Variants in TMEM38B observed in about 807,000 individuals in gnomAD.
TMEM38B encodes the protein transmembrane protein 38B, also known as trimeric intracellular cation channel type B.
In TMEM38B, 24 loss-of-function variants were observed where a neutral mutation model predicts 28.7. The ratio of observed to expected loss-of-function variants is 0.84; its 90% confidence interval spans 0.61 to 1.18. The LOEUF is 1.18. Ranked by LOEUF, TMEM38B falls within the 50% of genes most tolerant of loss-of-function variation. The probability of loss-of-function intolerance (pLI) is 0.00; values close to 1 mark genes in which losing one functional copy is unlikely to be tolerated. For missense variants in TMEM38B, 380 were observed against 350.9 expected (o/e 1.08, Z -0.66); for synonymous variants, 131 against 127.7 (o/e 1.03, Z -0.17).
chr9:105,758,185 C>G (rs2133634813), intron 5 of TMEM38B: 2 of 647,214 alleles, frequency 3.1e-6, no homozygotes, highest in South Asian at 3.5e-5. Flanking sequence ...GGGTGTGCCT[C>G]CCAGGCCTTA....
chr9:105,730,428 T>A (rs2133590068), intron 4 of TMEM38B, among the ~76,000 whole-genome samples: 1 of 152,294 alleles, frequency 6.6e-6, no homozygotes, highest in East Asian at 1.9e-4. Flanking sequence ...GCCAACTTGA[T>A]CGTGGTGGAT....
chr9:105,740,061 T>G (rs1419795278), intron 4 of TMEM38B, among the ~76,000 whole-genome samples: 5 of 150,998 alleles, frequency 3.3e-5, no homozygotes, highest in Non-Finnish European at 5.9e-5. Flanking sequence ...TTCTGTATTT[T>G]TAGTAGAGAC....
chr9:105,715,357 C>T (rs1836057476), intron 2 of TMEM38B, among the ~76,000 whole-genome samples: 1 of 151,394 alleles, frequency 6.6e-6, no homozygotes, highest in South Asian at 2.1e-4. Flanking sequence ...TTTATTTTTT[C>T]ATTAAGGTCC....
In TMEM38B at chr9:105,724,095, C is replaced by T. The variant is rs142575226; in HGVS notation, c.542+1474C>T. Among the ~76,000 whole-genome samples the T allele has an allele frequency of 1.9e-3, 282 of 152,038 alleles. 1 individual carries two copies. The highest frequency in any genetic ancestry group is 6.7e-3 in the African/African-American group (277 of 41,492). ...AGGTGATCCACCCACCTTGGCCTCC[C>T]AAAGTGCTGGGATTACAGGCTTGAG... On this transcript the variant is annotated intron_variant, in intron 4 of 5. Coordinates refer to ENST00000374692, the MANE Select transcript of TMEM38B (RefSeq NM_018112.3).
At chr9:105,767,009 C>G (rs866656674) in intron 5 of TMEM38B, among the ~76,000 whole-genome samples, 1 of 151,020 alleles carries the variant, frequency 6.6e-6, no homozygotes, top group Non-Finnish European at 1.5e-5. Flanking sequence ...TCTGTCCTTG[C>G]GATCGTTTGC....
intron 4 of TMEM38B, among the ~76,000 whole-genome samples, chr9:105,724,252 G>A (rs10816302): frequency 0.23 from 35,494 of 152,130 alleles, 6,801 homozygotes; most frequent in African/African-American, 0.51. Flanking sequence ...AATGGTGGCT[G>A]TAATAAGCAA....
In TMEM38B at chr9:105,748,186, C is replaced by T. The variant is rs1323273333; in HGVS notation, c.656C>T (p.Thr219Ile). 3 of 1,603,062 alleles carry T rather than the reference C, an allele frequency of 1.9e-6. No homozygotes were observed. The highest frequency in any genetic ancestry group is 1.7e-6 in the Non-Finnish European group (2 of 1,170,736). Reference sequence around the variant, plus strand: ...CTTTATACCATCTTTATTGTGGCCACAAAGGTAAGAATTCAAAGTACCTAT... The same window carrying T: ...CTTTATACCATCTTTATTGTGGCCATAAAGGTAAGAATTCAAAGTACCTAT... ...MFLYTIFIVA[T>I]KITMMTTQTS... is the part of the protein sequence containing the mutation. Residue 219 changes from threonine to isoleucine, a missense_variant, in exon 5 of 6, where the codon ACA (threonine) becomes ATA (isoleucine). Transcript: ENST00000374692.
At chr9:105,707,827 C>T (rs910701018) in intron 2 of TMEM38B, among the ~76,000 whole-genome samples, 1 of 152,190 alleles carries the variant, frequency 6.6e-6, no homozygotes, top group Non-Finnish European at 1.5e-5. Flanking sequence ...CTATCTCTCA[C>T]AGATTTGTTT....
Position 105,703,819 on chromosome 9 carries a change from T to C in TMEM38B, c.113-1778T>C, listed in dbSNP as rs542647860. ...GCCAGCGATGATGAGCATTTTTTCA[T>C]GTGTTTTTTGGCTGCATAGATGTCT... On this transcript the variant is annotated intron_variant, in intron 1 of 5. Transcript: ENST00000374692. Among the ~76,000 whole-genome samples the C allele has an allele frequency of 8.6e-4, 131 of 152,298 alleles. 1 individual carries two copies. Among genetic ancestry groups the C allele is most frequent in the African/African-American group, 3.1e-3 (129 of 41,556 alleles).
intron 4 of TMEM38B, among the ~76,000 whole-genome samples, chr9:105,742,701 T>C (rs1434910642): frequency 6.6e-6 from 1 of 152,208 alleles, no homozygotes; most frequent in Non-Finnish European, 1.5e-5. Context: ...CTTAAGAGAA[T>C]ACAATCCAAA....
At position 105,721,632 on chromosome 9, in the gene TMEM38B, G is replaced by C; in HGVS notation, c.365G>C (p.Arg122Thr). The change falls in exon 3 of 6, where the codon AGA (arginine) becomes ACA (threonine). Residue 122 changes from arginine (R) to threonine (T), a missense_variant. Coordinates refer to ENST00000374692, the MANE Select transcript of TMEM38B (RefSeq NM_018112.3). ...LLASGMKEVT[R>T]TWKIVGGVTH... The stretch of plus-strand genomic sequence containing the variant: ...GCTTCGGGAATGAAGGAAGTGACCA[G>C]AACTTGGAAAATAGTAGGTGGAGTC... 6.2e-7 allele frequency: 1 copy of C among 1,613,636 alleles called. No individual in the cohort carries two copies.
At chr9:105,703,065 A>G (rs961712214) in intron 1 of TMEM38B, among the ~76,000 whole-genome samples, 8 of 151,192 alleles carry the variant, frequency 5.3e-5, no homozygotes, top group Non-Finnish European at 5.9e-5. Flanking sequence ...TTAGGTCTCA[A>G]TGTGACAAAT....
chr9:105,751,705 A>C (rs1228781955), intron 5 of TMEM38B, among the ~76,000 whole-genome samples: 1 of 152,026 alleles, frequency 6.6e-6, no homozygotes, highest in East Asian at 1.9e-4. Context: ...TCCTGGGGGG[A>C]GGGGCGGCTG....
At chr9:105,761,638 T>C (rs1202127108) in intron 5 of TMEM38B, among the ~76,000 whole-genome samples, 4 of 152,218 alleles carry the variant, frequency 2.6e-5, no homozygotes, top group African/African-American at 9.6e-5. Context: ...TCATTCAGCC[T>C]AAGACTGACT....
At chr9:105,724,351 G>T (rs1314964069) in intron 4 of TMEM38B, among the ~76,000 whole-genome samples, 1 of 152,118 alleles carries the variant, frequency 6.6e-6, no homozygotes, top group African/African-American at 2.4e-5. Context: ...AATGAAGGTT[G>T]AGGCTGGGCA....
At chr9:105,756,583 T>TA (rs1837839516) in intron 5 of TMEM38B, among the ~76,000 whole-genome samples, 1 of 152,218 alleles carries the variant, frequency 6.6e-6, no homozygotes, top group South Asian at 2.1e-4. Context: ...TTTCTTGAGT[T>TA]ACAGCATCAA....
chr9:105,749,110 A>T (rs746117397), intron 5 of TMEM38B: 1 of 1,303,400 alleles, frequency 7.7e-7, no homozygotes, highest in South Asian at 1.2e-5. Context: ...GCTGTAATTC[A>T]GGTAACAAAT....
At chr9:105,762,716 A>G (rs1838109314) in intron 5 of TMEM38B, among the ~76,000 whole-genome samples, 1 of 145,498 alleles carries the variant, frequency 6.9e-6, no homozygotes, top group African/African-American at 2.6e-5. Flanking sequence ...CGCAATAAAC[A>G]TACATGTGCA....
At chr9:105,742,599 A>G (rs1323365563) in intron 4 of TMEM38B, among the ~76,000 whole-genome samples, 2 of 152,210 alleles carry the variant, frequency 1.3e-5, no homozygotes, top group African/African-American at 4.8e-5. Flanking sequence ...CCATACTCCA[A>G]TTTAAAATGG....
Sources: gnomAD v4.1 joint callset for allele counts (sites outside exome capture counted in the v4.1 genomes callset) on GRCh38, gnomAD v4.1.1 for gene constraint, MANE v1.5 for transcripts, NCBI Gene and HGNC (gene_info 2026-07-23, HGNC 2026-07-21) for gene names.